RNF13: variants seen among roughly 807,000 people sequenced by gnomAD.
The protein encoded by RNF13 is E3 ubiquitin-protein ligase RNF13.
RNF13 carries 19 observed loss-of-function variants against 37.7 expected under a neutral mutation model. The observed-to-expected ratio is 0.50, with a 90% confidence interval of 0.35 to 0.74. The LOEUF (loss-of-function observed/expected upper bound fraction) is 0.74, where lower values mean the gene tolerates loss of function less well. RNF13 is among the 30% of genes least tolerant of loss of function. The probability of loss-of-function intolerance (pLI) is 0.01; values close to 1 mark genes in which losing one functional copy is unlikely to be tolerated. For synonymous variants in RNF13, 144 were observed against 157.8 expected (o/e 0.91, Z 0.65); for missense variants, 375 against 453.0 (o/e 0.83, Z 1.56).
At chr3:149,855,921 CCTTT>C (rs1331173383) in intron 3 of RNF13, among the ~76,000 whole-genome samples, 2 of 151,954 alleles carry the variant, frequency 1.3e-5, no homozygotes, top group Non-Finnish European at 2.9e-5. Flanking sequence ...GATCTGGCAA[CCTTT>C]CTTTCATTCT....
intron 1 of RNF13, among the ~76,000 whole-genome samples, chr3:149,831,909 A>G (rs1204130261): frequency 6.6e-6 from 1 of 152,136 alleles, no homozygotes; most frequent in Non-Finnish European, 1.5e-5. Flanking sequence ...TTTGGAGGAA[A>G]TTTTATAGTG....
chr3:149,893,314 CTA>C (rs1369154023), intron 4 of RNF13, among the ~76,000 whole-genome samples: 4 of 152,166 alleles, frequency 2.6e-5, no homozygotes, highest in African/African-American at 4.8e-5. Context: ...ATTTCAATGA[CTA>C]TGTGCTTTGG....
At position 149,829,172 on chromosome 3, in the gene RNF13, T is replaced by C. The variant is rs552017718; in HGVS notation, c.-17+15819T>C. 4.6e-5 allele frequency among the ~76,000 whole-genome samples: 7 copies of C among 152,268 alleles called. No individual in the cohort carries two copies. In the East Asian group the frequency reaches 7.7e-4, roughly 17 times the overall value. On this transcript the variant is annotated intron_variant, in intron 1 of 9. Coordinates refer to ENST00000392894, the MANE Select transcript of RNF13 (RefSeq NM_183381.3). ...GCTGGTGTGCAGTGGCTATCTTGGC[T>C]CACTGCAACCTCTTCCTCCCAGGTT... is the stretch of plus-strand genomic sequence containing the variant.
At chr3:149,850,859 A>T (rs1275924829) in intron 2 of RNF13, among the ~76,000 whole-genome samples, 1 of 152,214 alleles carries the variant, frequency 6.6e-6, no homozygotes, top group Non-Finnish European at 1.5e-5. Flanking sequence ...ATAGATTGTG[A>T]TAATGGGTTT....
chr3:149,827,477 G>A (rs1166094459), intron 1 of RNF13, among the ~76,000 whole-genome samples: 2 of 152,008 alleles, frequency 1.3e-5, no homozygotes, highest in African/African-American at 4.8e-5. Context: ...AGGCTCTGCA[G>A]AAGATATCAA....
intron 8 of RNF13, among the ~76,000 whole-genome samples, chr3:149,945,338 G>A (rs1030477589): frequency 9.2e-5 from 14 of 152,082 alleles, no homozygotes; most frequent in East Asian, 3.9e-4. Flanking sequence ...GTCTGAGATC[G>A]AACTGCAAGG....
rs146279690 is a variant in RNF13, at chr3:149,921,183, G to A, written c.656G>A (p.Arg219His). 172 of 1,428,816 alleles carry A rather than the reference G, an allele frequency of 1.2e-4. No homozygotes were observed. Among genetic ancestry groups the A allele is most frequent in the Admixed American group, 2.0e-4 (9 of 44,000 alleles). 88.5% of individuals were successfully genotyped at this position (1,428,816 alleles called of 1,614,324 possible). A position where few individuals can be genotyped will look rare whatever the true frequency, so the allele number is the denominator to read the frequency against. Residue 219 changes from arginine (R) to histidine (H), a missense_variant, in exon 8 of 10, where the codon CGT (arginine) becomes CAT (histidine). By Grantham distance (29) the Arg-to-His change is conservative. Transcript: ENST00000392894. The part of the protein sequence containing the change: ...DRHRARRNRL[R>H]KDQLKKLPVH... ...CATAGAGCTAGAAGAAACAGACTTC[G>A]TAAAGATCAACTTAAGAAACTTCCT...
chr3:149,905,816 C>T (rs1227296419), intron 6 of RNF13, among the ~76,000 whole-genome samples: 6 of 151,786 alleles, frequency 4.0e-5, no homozygotes, highest in Admixed American at 3.9e-4. Context: ...ATTTTTAAAA[C>T]AATTTTATTA....
chr3:149,916,013 G>A (rs1377883044), intron 7 of RNF13, among the ~76,000 whole-genome samples: 1 of 152,046 alleles, frequency 6.6e-6, no homozygotes, highest in African/African-American at 2.4e-5. Flanking sequence ...ATATTTTACT[G>A]TAATTTTAAA....
intron 8 of RNF13, among the ~76,000 whole-genome samples, chr3:149,929,551 C>T (rs544196601): frequency 6.6e-6 from 1 of 152,200 alleles, no homozygotes; most frequent in African/African-American, 2.4e-5. Flanking sequence ...TGTGTAATTG[C>T]TTATAGAACT....
chr3:149,953,677 A>T (rs1013008274), intron 8 of RNF13, among the ~76,000 whole-genome samples: 10 of 152,204 alleles, frequency 6.6e-5, no homozygotes, highest in Non-Finnish European at 1.5e-4. Context: ...AAGACTGTGC[A>T]AAGGCTTTAG....
chr3:149,837,418 C>G (rs975788216), intron 1 of RNF13, among the ~76,000 whole-genome samples: 13 of 152,044 alleles, frequency 8.6e-5, no homozygotes, highest in African/African-American at 3.1e-4. Flanking sequence ...TTTCATACAG[C>G]TATTGTATTA....
intron 9 of RNF13, 125 bp from the exon 10 acceptor site, chr3:149,960,615 A>C: frequency 1.1e-6 from 1 of 937,760 alleles, no homozygotes; most frequent in South Asian, 2.5e-5. Flanking sequence ...AATAAAAATA[A>C]AAAATAAACT....
chr3:149,879,307 A>ATTTTT (rs3028508), intron 4 of RNF13, among the ~76,000 whole-genome samples: 1 of 137,430 alleles, frequency 7.3e-6, no homozygotes, highest in Non-Finnish European at 1.5e-5. Context: ...TTATCAGGTA[A>ATTTTT]TTTTTTTTTT....
chr3:149,910,568 C>T (rs930165611), intron 6 of RNF13, among the ~76,000 whole-genome samples: 1 of 152,124 alleles, frequency 6.6e-6, no homozygotes, highest in Non-Finnish European at 1.5e-5. Context: ...TGTTATTTGT[C>T]TTAAGTGCTA....
At chr3:149,883,281 T>A (rs1713627591) in intron 4 of RNF13, among the ~76,000 whole-genome samples, 1 of 152,086 alleles carries the variant, frequency 6.6e-6, no homozygotes, top group Admixed American at 6.5e-5. Flanking sequence ...TTTCTGTGTT[T>A]CAGTTTAATA....
At chr3:149,933,070 A>C (rs1327202768) in intron 8 of RNF13, among the ~76,000 whole-genome samples, 1 of 152,106 alleles carries the variant, frequency 6.6e-6, no homozygotes, top group African/African-American at 2.4e-5. Flanking sequence ...ACCAGCAAGG[A>C]TTACAGCTTG....
chr3:149,909,262 C>T (rs1716733128), intron 6 of RNF13, among the ~76,000 whole-genome samples: 1 of 151,054 alleles, frequency 6.6e-6, no homozygotes, highest in African/African-American at 2.4e-5. Context: ...GCTTTTGATT[C>T]AAGATGCTCA....
chr3:149,942,502 T>A (rs1312015818), intron 8 of RNF13, among the ~76,000 whole-genome samples: 2 of 152,168 alleles, frequency 1.3e-5, no homozygotes, highest in Non-Finnish European at 2.9e-5. Flanking sequence ...TTGTTTTTTT[T>A]ACAGGTTCTT....
Sources: gnomAD v4.1 joint callset for allele counts (sites outside exome capture counted in the v4.1 genomes callset) on GRCh38, gnomAD v4.1.1 for gene constraint, MANE v1.5 for transcripts, NCBI Gene and HGNC (gene_info 2026-07-23, HGNC 2026-07-21) for gene names.